MYOF: variants seen among roughly 807,000 people sequenced by gnomAD.
The protein encoded by MYOF is myoferlin.
MYOF carries 244 observed loss-of-function variants against 284.2 expected under a neutral mutation model. The observed-to-expected ratio is 0.86, with a 90% CI of 0.77 to 0.95. The LOEUF (loss-of-function observed/expected upper bound fraction) is 0.95. MYOF is among the 40% of genes least tolerant of loss of function. MYOF has a pLI of 0.00. For missense variants in MYOF, 2,496 were observed against 2,560.6 expected (o/e 0.97, Z 0.54); for synonymous variants, 904 against 919.7 (o/e 0.98, Z 0.31).
intron 2 of MYOF, among the ~76,000 whole-genome samples, chr10:93,453,642 C>T (rs1213051598): frequency 6.6e-6 from 1 of 152,074 alleles, no homozygotes; most frequent in South Asian, 2.1e-4. Flanking sequence ...AATGGTGGCT[C>T]ATACCTGTAA....
intron 53 of MYOF, among the ~76,000 whole-genome samples, chr10:93,307,428 G>A (rs1053844529): frequency 2.6e-5 from 4 of 151,710 alleles, no homozygotes; most frequent in African/African-American, 9.7e-5. Flanking sequence ...AGCCTCCAGA[G>A]CAGCTGGGAC....
chr10:93,431,123 G>C (rs1013908877), intron 4 of MYOF, among the ~76,000 whole-genome samples: 3 of 150,988 alleles, frequency 2.0e-5, no homozygotes, highest in Non-Finnish European at 4.4e-5. Flanking sequence ...CCATCTCCTG[G>C]GTTCAAGCGA....
intron 38 of MYOF, chr10:93,342,113 A>C (rs1843948608): frequency 6.8e-6 from 3 of 443,282 alleles, no homozygotes; most frequent in Non-Finnish European, 1.2e-5. Context: ...TTCCATGGAC[A>C]TCACAGAGTA....
chr10:93,396,785 C>T (rs1209775637), intron 15 of MYOF, among the ~76,000 whole-genome samples: 2 of 152,176 alleles, frequency 1.3e-5, no homozygotes, highest in African/African-American at 4.8e-5. Context: ...CTTGTTATGG[C>T]CAATCAGTGC....
intron 5 of MYOF, among the ~76,000 whole-genome samples, chr10:93,420,720 T>A (rs1848323379): frequency 6.6e-6 from 1 of 152,240 alleles, no homozygotes; most frequent in Non-Finnish European, 1.5e-5. Context: ...TGGCAGTGGT[T>A]ATCTCAGGAG....
chr10:93,410,186 C>T (rs376967982), intron 5 of MYOF, among the ~76,000 whole-genome samples: 4 of 152,250 alleles, frequency 2.6e-5, no homozygotes, highest in South Asian at 4.1e-4. Flanking sequence ...GTACTGTTTC[C>T]TGCTTGAGCC....
chr10:93,333,740 C>G lies in MYOF; in HGVS notation c.4719+18G>C. 6.2e-7 allele frequency: 1 copy of G among 1,612,060 alleles called. No homozygotes were observed. The highest frequency in any genetic ancestry group is 8.5e-7 in the Non-Finnish European group (1 of 1,178,428). Reference sequence around the variant, plus strand: ...AATTATCTTGCTACAGGAGAAGGCCCCACACCCAAACTCTTACCAGGCCAT... The same window carrying G: ...AATTATCTTGCTACAGGAGAAGGCCGCACACCCAAACTCTTACCAGGCCAT... On this transcript the variant is annotated intron_variant, in intron 42 of 53. Coordinates refer to ENST00000359263, the MANE Select transcript of MYOF (RefSeq NM_013451.4).
intron 37 of MYOF, among the ~76,000 whole-genome samples, chr10:93,344,643 A>G (rs1350389322): frequency 2.7e-5 from 4 of 147,754 alleles, no homozygotes; most frequent in African/African-American, 9.9e-5. Flanking sequence ...ATAACAGGTT[A>G]ATGGGTGCAG....
intron 23 of MYOF, among the ~76,000 whole-genome samples, chr10:93,374,016 CT>C (rs1390875600): frequency 2.0e-5 from 3 of 152,194 alleles, no homozygotes; most frequent in Non-Finnish European, 4.4e-5. Context: ...CCCCAGCCCC[CT>C]ATCCCGCTGA....
At chr10:93,397,865 C>T (rs762306503) in intron 13 of MYOF, among the ~76,000 whole-genome samples, 6 of 152,056 alleles carry the variant, frequency 3.9e-5, no homozygotes, top group Non-Finnish European at 5.9e-5. Flanking sequence ...CTTTCCATCG[C>T]TCTTCATTCA....
intron 5 of MYOF, among the ~76,000 whole-genome samples, chr10:93,414,665 C>T (rs1848043188): frequency 6.6e-6 from 1 of 152,168 alleles, no homozygotes; most frequent in Non-Finnish European, 1.5e-5. Flanking sequence ...TATAGACATG[C>T]ATTTTAGAGG....
At chr10:93,309,263 A>G (rs892092461) in intron 53 of MYOF, among the ~76,000 whole-genome samples, 5 of 152,210 alleles carry the variant, frequency 3.3e-5, no homozygotes, top group African/African-American at 1.2e-4. Context: ...TGTTCCCAGA[A>G]TATGAACTGC....
At chr10:93,408,494 G>A (rs1040529530) in intron 7 of MYOF, among the ~76,000 whole-genome samples, 9 of 150,274 alleles carry the variant, frequency 6.0e-5, no homozygotes, top group Non-Finnish European at 8.9e-5. Flanking sequence ...CCGAGATCAC[G>A]CCACTGCACT....
At chr10:93,407,984 A>G (rs1617402) in intron 7 of MYOF, among the ~76,000 whole-genome samples, 95,991 of 151,926 alleles carry the variant, frequency 0.63, 33,732 homozygotes, top group Non-Finnish European at 0.79. Context: ...TCAAGAAGTT[A>G]TCACAAAAAC....
intron 38 of MYOF, among the ~76,000 whole-genome samples, chr10:93,342,761 G>A (rs1016996719): frequency 2.0e-5 from 3 of 152,166 alleles, no homozygotes; most frequent in Admixed American, 6.5e-5. Context: ...ATTATACAGC[G>A]AGATCTTAAA....
intron 46 of MYOF, among the ~76,000 whole-genome samples, chr10:93,324,987 C>T (rs1842982355): frequency 1.3e-5 from 2 of 152,084 alleles, no homozygotes; most frequent in South Asian, 4.2e-4. Flanking sequence ...ACCATCTTGG[C>T]CAGGCTGGTC....
chr10:93,394,443 C>CTTTTTTTTTTTTTTTTTTT (rs1193314228), intron 16 of MYOF, among the ~76,000 whole-genome samples: 1 of 58,860 alleles, frequency 1.7e-5, no homozygotes, highest in Non-Finnish European at 3.7e-5. Context: ...TGGTCACCAT[C>CTTTTTTTTTTTTTTTTTTT]TTGTCTTTTT....
intron 1 of MYOF, among the ~76,000 whole-genome samples, chr10:93,458,032 C>G (rs149215712): frequency 1.9e-3 from 282 of 152,102 alleles, no homozygotes; most frequent in African/African-American, 6.5e-3. Flanking sequence ...GTATGAGCCA[C>G]TGCGCCCGGC....
chr10:93,322,910 C>T (rs1281948928), intron 48 of MYOF, among the ~76,000 whole-genome samples, 168 bp downstream of exon 48: 1 of 152,148 alleles, frequency 6.6e-6, no homozygotes, highest in Non-Finnish European at 1.5e-5. Context: ...ACAGGTCTTG[C>T]TCTCTCTCCT....
Sources: allele counts gnomAD v4.1 joint callset (sites outside exome capture counted in the v4.1 genomes callset), GRCh38; gene constraint gnomAD v4.1.1; transcripts MANE v1.5; gene names NCBI Gene and HGNC (gene_info 2026-07-23, HGNC 2026-07-21).